Variants in EDAR observed in about 807,000 individuals in gnomAD.
EDAR encodes the protein tumor necrosis factor receptor superfamily member EDAR.
A neutral mutation model predicts 51.3 loss-of-function variants in EDAR; 38 were observed. That is an observed-to-expected ratio of 0.74 (90% CI 0.57 to 0.97). The LOEUF (loss-of-function observed/expected upper bound fraction) is 0.97. EDAR is among the 50% of genes least tolerant of loss of function. EDAR has a pLI of 0.00. For missense variants in EDAR, 528 were observed against 595.0 expected, an observed-to-expected ratio of 0.89 and a Z score of 1.17; for synonymous variants, 227 against 242.1, an observed-to-expected ratio of 0.94 and a Z score of 0.58.
intron 5 of EDAR, among the ~76,000 whole-genome samples, chr2:108,920,479 C>A (rs1242867095): frequency 1.3e-5 from 2 of 152,228 alleles, no homozygotes; most frequent in African/African-American, 2.4e-5. Context: ...ACCCCAAGTA[C>A]ATCTTGCTCT....
intron 1 of EDAR, among the ~76,000 whole-genome samples, chr2:108,960,493 G>A (rs1293649185): frequency 6.6e-6 from 1 of 152,182 alleles, no homozygotes; most frequent in African/African-American, 2.4e-5. Context: ...GAAGGTGGGG[G>A]CATGAGGAGC....
intron 1 of EDAR, among the ~76,000 whole-genome samples, chr2:108,963,987 C>G (rs1282781754): frequency 6.6e-6 from 1 of 152,218 alleles, no homozygotes; most frequent in African/African-American, 2.4e-5. Flanking sequence ...GCTGAGGCAG[C>G]TGAGCCTGGC....
Position 108,962,079 on chromosome 2 carries a change from A to G in EDAR, c.-19+26881T>C, listed in dbSNP as rs1574406999. Among the ~76,000 whole-genome samples the G allele has an allele frequency of 2.0e-5, 3 of 152,312 alleles. No individual in the cohort carries two copies. In the South Asian group the frequency reaches 6.2e-4, roughly 32 times the overall value. The stretch of plus-strand genomic sequence containing the variant: ...CTTTTTTCCCTGTGTAAATCACAGA[A>G]GGAAATCCACAAAGATGTCCAAGTG... On this transcript the variant is annotated intron_variant, in intron 1 of 11. Transcript: ENST00000258443.
intron 4 of EDAR, among the ~76,000 whole-genome samples, chr2:108,925,516 C>T (rs571955045): frequency 2.0e-5 from 3 of 152,298 alleles, no homozygotes; most frequent in Admixed American, 2.0e-4. Flanking sequence ...GCACGAGGCA[C>T]CTTCTGTCAC....
intron 1 of EDAR, among the ~76,000 whole-genome samples, chr2:108,987,532 CA>C (rs1420339444): frequency 6.6e-6 from 1 of 152,234 alleles, no homozygotes; most frequent in East Asian, 1.9e-4. Flanking sequence ...GTCCAGCTCA[CA>C]AAAGCAAGAA....
intron 1 of EDAR, among the ~76,000 whole-genome samples, chr2:108,963,527 C>T (rs115850901): frequency 0.01 from 1,539 of 152,262 alleles, 26 homozygotes; most frequent in Middle Eastern, 0.024. Context: ...CCAATGGTTT[C>T]GTCTGGTAAA....
chr2:108,910,352 A>G (rs1278954130), intron 9 of EDAR, 108 bp downstream of exon 9: 2 of 888,848 alleles, frequency 2.3e-6, no homozygotes, highest in Non-Finnish European at 3.7e-6. Context: ...ACGTCCCCAT[A>G]GTGTCCCAGG....
chr2:108,976,621 T>A (rs1322209176), intron 1 of EDAR, among the ~76,000 whole-genome samples: 1 of 152,214 alleles, frequency 6.6e-6, no homozygotes, highest in East Asian at 1.9e-4. Context: ...TTCTCTGTTA[T>A]GTATTTGTCC....
chr2:108,910,371 T>A, intron 9 of EDAR, 89 bp downstream of exon 9: 1 of 1,057,282 alleles, frequency 9.5e-7, no homozygotes, highest in South Asian at 1.3e-5. Flanking sequence ...GGCTAGCCTG[T>A]CAGTTCACTC....
intron 10 of EDAR, among the ~76,000 whole-genome samples, chr2:108,907,094 C>G (rs1696820807): frequency 1.3e-5 from 2 of 152,240 alleles, no homozygotes; most frequent in Non-Finnish European, 2.9e-5. Flanking sequence ...CTCACCCCTG[C>G]CCTGCTCCTG....
Position 108,930,220 on chromosome 2 carries a change from C to A in EDAR, c.74G>T (p.Arg25Leu). ...VLVVSLMCSA[R>L]AEYSNCGENE... ...CTCACCGCAGTTTGAGTATTCCGCT[C>A]GGGCTGAGCACATCAGAGACACCTG... Residue 25 changes from arginine to leucine, a missense_variant, in exon 3 of 12, where the codon CGA (arginine) becomes CTA (leucine). Transcript: ENST00000258443. 1 of 1,614,080 alleles carries A rather than the reference C, an allele frequency of 6.2e-7. No homozygotes were observed. Among genetic ancestry groups the A allele is most frequent in the Non-Finnish European group, 8.5e-7 (1 of 1,180,036 alleles).
chr2:108,908,976 C>T (rs750158511), intron 9 of EDAR, among the ~76,000 whole-genome samples: 2 of 151,980 alleles, frequency 1.3e-5, no homozygotes, highest in African/African-American at 4.8e-5. Context: ...TGTCCCCACT[C>T]GAGAGAAGGT....
intron 1 of EDAR, among the ~76,000 whole-genome samples, chr2:108,950,172 T>G (rs1310530384): frequency 6.6e-6 from 1 of 152,080 alleles, no homozygotes; most frequent in Non-Finnish European, 1.5e-5. Flanking sequence ...ATCTAAGATG[T>G]CATGTCTTTT....
intron 1 of EDAR, among the ~76,000 whole-genome samples, chr2:108,956,774 C>T (rs767250182): frequency 2.8e-5 from 4 of 141,756 alleles, no homozygotes. Context: ...GCAGGAAAGG[C>T]GAAAGCTCTC....
At chr2:108,919,990 C>T (rs539344585) in intron 5 of EDAR, among the ~76,000 whole-genome samples, 1 of 152,362 alleles carries the variant, frequency 6.6e-6, no homozygotes, top group African/African-American at 2.4e-5. Context: ...TACCTCCCCA[C>T]CAAGCACCCT....
At chr2:108,898,994 A>G (rs1164879811) in intron 11 of EDAR, among the ~76,000 whole-genome samples, 1 of 152,194 alleles carries the variant, frequency 6.6e-6, no homozygotes, top group African/African-American at 2.4e-5. Context: ...AGAGAGTGGG[A>G]CTAAATAAAT....
chr2:108,968,219 C>G (rs191536622), intron 1 of EDAR, among the ~76,000 whole-genome samples: 109 of 152,272 alleles, frequency 7.2e-4, no homozygotes, highest in Non-Finnish European at 1.2e-3. Flanking sequence ...TCAGCATCGC[C>G]AGAGAGCCTG....
chr2:108,938,836 G>A (rs1697528068), intron 1 of EDAR, among the ~76,000 whole-genome samples: 1 of 133,746 alleles, frequency 7.5e-6, no homozygotes, highest in Non-Finnish European at 1.5e-5. Flanking sequence ...CAGGCTGGCA[G>A]TGGCATGATC....
At chr2:108,947,231 G>C (rs1697730812) in intron 1 of EDAR, among the ~76,000 whole-genome samples, 1 of 152,230 alleles carries the variant, frequency 6.6e-6, no homozygotes, top group East Asian at 1.9e-4. Context: ...CTGATGCAAG[G>C]GGTGGGCTCC....
Sources: allele counts gnomAD v4.1 joint callset (sites outside exome capture counted in the v4.1 genomes callset), GRCh38; gene constraint gnomAD v4.1.1; transcripts MANE v1.5; gene names NCBI Gene and HGNC (gene_info 2026-07-23, HGNC 2026-07-21).